The following HDAC8 variants were observed in gnomAD, a reference collection of about 807,000 sequenced individuals.
The protein encoded by HDAC8 is histone deacetylase 8.
HDAC8 carries 1 observed loss-of-function variant against 32.2 expected under a neutral mutation model. The observed-to-expected ratio is 0.03, with a 90% CI of 0.01 to 0.15. The LOEUF (loss-of-function observed/expected upper bound fraction) is 0.15. HDAC8 is among the 10% of genes least tolerant of loss of function. HDAC8 has a pLI of 1.00. For synonymous variants in HDAC8, 108 were observed against 113.9 expected (o/e 0.95, Z 0.33); for missense variants, 117 against 300.0 (o/e 0.39, Z 4.51).
chrX:72,413,092 C>A (rs1469388839), intron 9 of HDAC8, among the ~76,000 whole-genome samples: 2 of 105,588 alleles, frequency 1.9e-5, no homozygotes, highest in East Asian at 6.6e-4. Flanking sequence ...TACCAAGCAG[C>A]CTTCTGGTCT....
At chrX:72,465,888 G>A (rs1183985057) in intron 7 of HDAC8, among the ~76,000 whole-genome samples, 1 of 111,482 alleles carries the variant, frequency 9.0e-6, no homozygotes, top group African/African-American at 3.3e-5. Flanking sequence ...ACCCACAGAG[G>A]CATTCTTTGA....
At chrX:72,455,081 G>A (rs1198696523) in intron 9 of HDAC8, among the ~76,000 whole-genome samples, 2 of 112,170 alleles carry the variant, frequency 1.8e-5, no homozygotes, top group African/African-American at 6.5e-5. Context: ...TATGTGAATG[G>A]TTGGCAACAA....
Position 72,486,077 on chromosome X carries a change from G to A in HDAC8, c.737+2856C>T, listed in dbSNP as rs189621981. On this transcript the variant is annotated intron_variant, in intron 7 of 10. Transcript: ENST00000373573. ...GCAGAGCTTGCAGTGAGCCTAGATC[G>A]CCGACAGAGTGAGACACCATCTCCA... 7.8e-3 allele frequency among the ~76,000 whole-genome samples: 859 copies of A among 110,622 alleles called. 8 individuals carry two copies. Among genetic ancestry groups the A allele is most frequent in the African/African-American group, 0.026 (787 of 30,383 alleles).
intron 4 of HDAC8, among the ~76,000 whole-genome samples, chrX:72,499,748 A>T (rs1167366164): frequency 9.0e-6 from 1 of 111,709 alleles, no homozygotes; most frequent in Non-Finnish European, 1.9e-5. Context: ...AGCAAGAACA[A>T]ATCAACCCCA....
intron 4 of HDAC8, among the ~76,000 whole-genome samples, chrX:72,552,210 C>CT (rs2051096082): frequency 9.0e-6 from 1 of 111,682 alleles, no homozygotes; most frequent in Non-Finnish European, 1.9e-5. Flanking sequence ...GCCTATAATC[C>CT]TAGCACTCTG....
chrX:72,472,153 C>T (rs1278701166), intron 7 of HDAC8, among the ~76,000 whole-genome samples: 1 of 105,999 alleles, frequency 9.4e-6, no homozygotes, highest in African/African-American at 3.4e-5. Flanking sequence ...CTGCAAGCTC[C>T]GCCTCCCGGG....
intron 9 of HDAC8, among the ~76,000 whole-genome samples, chrX:72,356,142 G>C (rs1484527097): frequency 2.7e-5 from 3 of 111,895 alleles, no homozygotes. Context: ...AGGATAACTT[G>C]ACAGAAGTCA....
At chrX:72,429,895 C>G (rs187937548) in intron 9 of HDAC8, among the ~76,000 whole-genome samples, 1 of 112,099 alleles carries the variant, frequency 8.9e-6, no homozygotes, top group Non-Finnish European at 1.9e-5. Context: ...ACCACCTCTT[C>G]CAGGTGCAGA....
intron 9 of HDAC8, among the ~76,000 whole-genome samples, chrX:72,395,855 G>A (rs1294325256): frequency 1.8e-5 from 2 of 112,036 alleles, no homozygotes; most frequent in African/African-American, 3.2e-5. Context: ...CTTCCAGAGA[G>A]CCAATTCAGC....
rs1379594209 is a variant in HDAC8, at chrX:72,528,357, T to C, written c.438-33089A>G. On this transcript the variant is annotated intron_variant, in intron 4 of 10. Transcript: ENST00000373573. The stretch of plus-strand genomic sequence containing the variant: ...GTCTCTATAAATACCTGAATGGCTG[T>C]CATGAGACTGAAAAATTAGATTAAT... 2.7e-5 allele frequency among the ~76,000 whole-genome samples: 3 copies of C among 111,948 alleles called. No individual in the cohort carries two copies. In the East Asian group the frequency reaches 8.4e-4, roughly 32 times the overall value.
intron 10 of HDAC8, among the ~76,000 whole-genome samples, chrX:72,333,926 C>T (rs2043606901): frequency 9.0e-6 from 1 of 111,311 alleles, no homozygotes; most frequent in Admixed American, 9.6e-5. Context: ...GAACAAAATT[C>T]CATGTCAAAG....
Position 72,362,350 on chromosome X carries a change from C to T in HDAC8, c.1006-10512G>A, listed in dbSNP as rs782586807. 5.4e-5 allele frequency among the ~76,000 whole-genome samples: 6 copies of T among 111,856 alleles called. No individual in the cohort carries two copies. In the South Asian group the frequency reaches 2.3e-3, roughly 43 times the overall value. ...TGCCTTCCACCATGATTGAAAGTTTCCTGAGGCCTCGCCAGAAGATGTTGG... is the reference window on the plus strand; with the variant it reads ...TGCCTTCCACCATGATTGAAAGTTTTCTGAGGCCTCGCCAGAAGATGTTGG... On this transcript the variant is annotated intron_variant, in intron 9 of 10. Coordinates refer to ENST00000373573, the MANE Select transcript of HDAC8 (RefSeq NM_018486.3).
rs782453860 is a variant in HDAC8, at chrX:72,403,752, G to A, written c.1006-51914C>T. Among the ~76,000 whole-genome samples, 3 of 111,742 alleles carry A rather than the reference G, an allele frequency of 2.7e-5. No homozygotes were observed. In the Admixed American group the frequency reaches 2.8e-4, roughly 11 times the overall value. ...TGAGGCAGGAGAATCGCTTGAACTC[G>A]AGAGATGGAGGTTGCAGTGAGCTGA... On this transcript the variant is annotated intron_variant, in intron 9 of 10. Coordinates refer to ENST00000373573, the MANE Select transcript of HDAC8 (RefSeq NM_018486.3).
chrX:72,376,081 CTT>C (rs1290689275), intron 9 of HDAC8, among the ~76,000 whole-genome samples: 1 of 105,489 alleles, frequency 9.5e-6, no homozygotes, highest in Admixed American at 1.0e-4. Context: ...CCTTTATGCT[CTT>C]TTTTTTTTTG....
intron 7 of HDAC8, among the ~76,000 whole-genome samples, chrX:72,487,774 A>G (rs1442283830): frequency 9.1e-6 from 1 of 109,749 alleles, no homozygotes; most frequent in East Asian, 2.8e-4. Context: ...CACTGTTAAG[A>G]AAGGGATTAA....
chrX:72,432,690 C>T (rs961448152), intron 9 of HDAC8, among the ~76,000 whole-genome samples: 1 of 111,093 alleles, frequency 9.0e-6, no homozygotes, highest in Non-Finnish European at 1.9e-5. Flanking sequence ...TCCCCATATG[C>T]TTCCTTTATG....
intron 4 of HDAC8, among the ~76,000 whole-genome samples, chrX:72,509,457 T>C (rs1329654794): frequency 8.9e-6 from 1 of 111,822 alleles, no homozygotes; most frequent in Non-Finnish European, 1.9e-5. Flanking sequence ...TAACTATAGG[T>C]GCTATGCTGT....
chrX:72,473,983 T>C lies in HDAC8; in HGVS notation c.738-9252A>G. 4 of 635,284 alleles carry C rather than the reference T, an allele frequency of 6.3e-6. No individual in the cohort carries two copies. In the South Asian group the frequency reaches 3.3e-4, roughly 52 times the overall value. The allele number at this position is 635,284 out of a possible 1,213,427, so 52.4% of individuals were successfully genotyped here. ...TCCAGCCAAACTAAAACCACTGCTATTCTTTGTACATAGCTCAGTCTCTCC... is the reference window on the plus strand; with the variant it reads ...TCCAGCCAAACTAAAACCACTGCTACTCTTTGTACATAGCTCAGTCTCTCC... On this transcript the variant is annotated intron_variant, in intron 7 of 10. Coordinates refer to ENST00000373573, the MANE Select transcript of HDAC8 (RefSeq NM_018486.3).
intron 9 of HDAC8, among the ~76,000 whole-genome samples, chrX:72,416,421 T>TG (rs2046340808): frequency 1.3e-5 from 1 of 75,797 alleles, no homozygotes; most frequent in Non-Finnish European, 2.4e-5. Context: ...TTTTTTTTTT[T>TG]TTTTTTTTTT....
Sources: allele counts gnomAD v4.1 joint callset (sites outside exome capture counted in the v4.1 genomes callset), GRCh38; gene constraint gnomAD v4.1.1; transcripts MANE v1.5; gene names NCBI Gene and HGNC (gene_info 2026-07-23, HGNC 2026-07-21).